The following SACS variants were observed in gnomAD, a reference collection of about 807,000 sequenced individuals.
SACS encodes sacsin.
In SACS, 197 loss-of-function variants were observed where a neutral mutation model predicts 348.0. That is an observed-to-expected ratio of 0.57 (90% CI 0.50 to 0.64). The LOEUF (loss-of-function observed/expected upper bound fraction) is 0.64, where lower values mean the gene tolerates loss of function less well. Ranked by LOEUF, SACS falls within the 30% of genes least tolerant of loss-of-function variation. The pLI is 0.00. For synonymous variants in SACS, 1,985 were observed against 1,910.6 expected, an observed-to-expected ratio of 1.04 and a Z score of -1.02; for missense variants, 4,999 against 5,360.8, an observed-to-expected ratio of 0.93 and a Z score of 2.11.
At chr13:23,358,620 A>G (rs897450989) in intron 6 of SACS, 139 bp from the exon 7 acceptor site, 2 of 832,746 alleles carry the variant, frequency 2.4e-6, no homozygotes, top group South Asian at 1.5e-5. Context: ...ATTCCACACT[A>G]TAATTCTGTT....
intron 7 of SACS, 143 bp from the exon 8 acceptor site, chr13:23,356,150 A>AG: frequency 1.4e-6 from 1 of 708,896 alleles, no homozygotes; most frequent in Non-Finnish European, 2.3e-6. Flanking sequence ...TTACCTTCAG[A>AG]AATGTAATTC....
At position 23,330,886 on chromosome 13, in the gene SACS, C is replaced by T. The variant is rs1883423810; in HGVS notation, c.12990G>A (p.Arg4330=). The part of the protein sequence containing the change: ...LPESERKKII[R]RLYLKWHPDK... The stretch of plus-strand genomic sequence containing the variant: ...CAGGATGCCATTTCAAATACAACCG[C>T]CTAATAATCTTTTTTCGTTCCGATT... Residue 4330 remains arginine, a synonymous_variant, in exon 10 of 10, where the codon AGG becomes AGA. Coordinates refer to ENST00000382292, the MANE Select transcript of SACS (RefSeq NM_014363.6). 2 of 1,613,926 alleles carry T rather than the reference C, an allele frequency of 1.2e-6. No individual in the cohort carries two copies. The highest frequency in any genetic ancestry group is 2.2e-5 in the South Asian group (2 of 91,084).
chr13:23,401,496 CA>C (rs925209008), intron 2 of SACS, among the ~76,000 whole-genome samples: 2 of 152,130 alleles, frequency 1.3e-5, no homozygotes, highest in African/African-American at 4.8e-5. Flanking sequence ...TGTAGAAAAC[CA>C]ACCTCTGCCG....
chr13:23,338,589 T>G lies in SACS; in HGVS notation c.5287A>C (p.Thr1763Pro). The G allele has an allele frequency of 6.2e-7, 1 of 1,614,090 alleles. No individual in the cohort carries two copies. Among genetic ancestry groups the G allele is most frequent in the Non-Finnish European group, 8.5e-7 (1 of 1,179,976 alleles). Residue 1763 changes from threonine to proline, a missense_variant, in exon 10 of 10, where the codon ACA (threonine) becomes CCA (proline). Thr to Pro is a conservative substitution (Grantham distance 38). Around this residue, in one of 6 missense-constraint regions of SACS, gnomAD observed 3,156 missense variants for 3,380.1 expected, o/e 0.93. Transcript: ENST00000382292. Reference sequence around the variant, plus strand: ...AACACATGGTGAAATTCTTCCACTGTGATCTGAAGAATGCAAGATGACTTT... The same window carrying G: ...AACACATGGTGAAATTCTTCCACTGGGATCTGAAGAATGCAAGATGACTTT... ...EPKSSCILQI[T>P]VEEFHHVFRR... is the part of the protein sequence containing the mutation.
intron 1 of SACS, among the ~76,000 whole-genome samples, chr13:23,415,502 A>G (rs185362417): frequency 6.6e-6 from 1 of 152,366 alleles, no homozygotes; most frequent in African/African-American, 2.4e-5. Flanking sequence ...TGATTGAATC[A>G]TTATGTATGC....
In SACS at chr13:23,335,744, G is replaced by C; in HGVS notation, c.8132C>G (p.Ser2711Trp). ...TGATGCTGGAACAGACGAAATTTCC[G>C]AAACTTTTGCCATTTCTGCATTACG... Reference protein sequence around the residue: ...PLRNAEMAKVSEISSVPASDR... With the variant: ...PLRNAEMAKVWEISSVPASDR... The change falls in exon 10 of 10, where the codon TCG becomes TGG. Residue 2711 changes from serine to tryptophan, a missense_variant. By Grantham distance (177) the Ser-to-Trp change is radical. Around this residue, in one of 6 missense-constraint regions of SACS, gnomAD observed 3,156 missense variants for 3,380.1 expected, o/e 0.93. Transcript: ENST00000382292. This position sits in a 1 kb window ranked among gnomAD's most constrained non-coding sequence, Gnocchi z 4.7. The C allele has an allele frequency of 6.2e-7, 1 of 1,613,988 alleles. No individual in the cohort carries two copies. Among genetic ancestry groups the C allele is most frequent in the Non-Finnish European group, 8.5e-7 (1 of 1,179,918 alleles).
chr13:23,433,349 G>A (rs888001334), intron 1 of SACS, among the ~76,000 whole-genome samples: 1 of 152,124 alleles, frequency 6.6e-6, no homozygotes, highest in African/African-American at 2.4e-5. Flanking sequence ...AAATTCACAA[G>A]CAGCCAACCC....
intron 2 of SACS, among the ~76,000 whole-genome samples, chr13:23,394,756 G>A (rs1872648242): frequency 6.6e-6 from 1 of 152,198 alleles, no homozygotes; most frequent in Non-Finnish European, 1.5e-5. Context: ...TCGGGAGGCT[G>A]AGGCAGGAGA....
chr13:23,396,636 T>C (rs1872722665), intron 2 of SACS, among the ~76,000 whole-genome samples: 1 of 152,182 alleles, frequency 6.6e-6, no homozygotes, highest in African/African-American at 2.4e-5. Context: ...CATACATTAC[T>C]TCATATATAT....
intron 1 of SACS, among the ~76,000 whole-genome samples, chr13:23,414,052 C>A (rs1330001215): frequency 2.0e-5 from 3 of 152,172 alleles, no homozygotes; most frequent in African/African-American, 7.2e-5. Flanking sequence ...CGCCTGTAAT[C>A]CCAGCACGTT....
chr13:23,391,338 T>C (rs1294700627), intron 2 of SACS, among the ~76,000 whole-genome samples: 1 of 152,196 alleles, frequency 6.6e-6, no homozygotes, highest in Non-Finnish European at 1.5e-5. Context: ...CCTTTGCCCC[T>C]GAGGCTCTGC....
At position 23,339,959 on chromosome 13, in the gene SACS, T is replaced by C. The variant is rs762151262; in HGVS notation, c.3917A>G (p.Asn1306Ser). Reference sequence around the variant, plus strand: ...GAATTTTGCCATGGTTTTAGGTACATTATGCAAATAAGGCTGAAGGTCAAG... The same window carrying C: ...GAATTTTGCCATGGTTTTAGGTACACTATGCAAATAAGGCTGAAGGTCAAG... ...HDLDLQPYLH[N>S]VPKTMAKFHQ... Residue 1306 changes from asparagine to serine, a missense_variant, in exon 10 of 10, where the codon AAT (asparagine) becomes AGT (serine). By Grantham distance (46) the Asn-to-Ser change is conservative. Transcript: ENST00000382292. 16 of 1,613,744 alleles carry C rather than the reference T, an allele frequency of 9.9e-6. No homozygotes were observed. The East Asian group carries it at 3.1e-4, about 31-fold the overall frequency.
In SACS at chr13:23,338,027, T is replaced by C. The variant is rs375962720; in HGVS notation, c.5849A>G (p.Asp1950Gly). The C allele has an allele frequency of 1.4e-5, 22 of 1,613,790 alleles. No homozygotes were observed. Among genetic ancestry groups the C allele is most frequent in the Non-Finnish European group, 1.7e-5 (20 of 1,179,954 alleles). ...YTYYAVWPDP[D>G]LVHDDFSVIC... ...TACAGAAAAATCATCATGAACTAAA[T>C]CAGGATCGGGCCATACTGCATAGTA... Residue 1950 changes from aspartate (D) to glycine (G), a missense_variant, in exon 10 of 10, where the codon GAT (aspartate) becomes GGT (glycine). By Grantham distance (94) the Asp-to-Gly change is moderately conservative (BLOSUM62 -1). Around this residue, in one of 6 missense-constraint regions of SACS, gnomAD observed 3,156 missense variants for 3,380.1 expected, o/e 0.93. Transcript: ENST00000382292.
intron 1 of SACS, among the ~76,000 whole-genome samples, chr13:23,415,905 T>G (rs999268324): frequency 6.6e-6 from 1 of 152,198 alleles, no homozygotes; most frequent in Non-Finnish European, 1.5e-5. Context: ...AGTAAATTTA[T>G]GAGAAAATGT....
At chr13:23,370,241 A>G (rs1871301286) in intron 4 of SACS, among the ~76,000 whole-genome samples, 1 of 152,178 alleles carries the variant, frequency 6.6e-6, no homozygotes, top group African/African-American at 2.4e-5. Context: ...ATGGGATATG[A>G]TTTCATTTCA....
chr13:23,332,404 A>G lies in SACS; in HGVS notation c.11472T>C (p.Tyr3824=), dbSNP rs2137566305. The G allele has an allele frequency of 1.2e-6, 2 of 1,613,984 alleles. No individual in the cohort carries two copies. The highest frequency in any genetic ancestry group is 2.2e-5 in the South Asian group (2 of 91,078). The stretch of plus-strand genomic sequence containing the variant: ...CAAGTTCTAAAGGTAGCTTGTACAA[A>G]TAAGGTTTAAAATCAGATTCATATT... ...NLEYESDFKP[Y]LYKLPLELGT... is the part of the protein sequence containing the mutation. Residue 3824 remains tyrosine, a synonymous_variant, in exon 10 of 10, where the codon TAT becomes TAC. Coordinates refer to ENST00000382292, the MANE Select transcript of SACS (RefSeq NM_014363.6).
chr13:23,389,660 C>T (rs1011719423), intron 2 of SACS, among the ~76,000 whole-genome samples: 1 of 152,182 alleles, frequency 6.6e-6, no homozygotes, highest in African/African-American at 2.4e-5. Flanking sequence ...GGACGGAATA[C>T]GTGTACAAGG....
chr13:23,372,459 A>G (rs1284363448), intron 3 of SACS, among the ~76,000 whole-genome samples: 1 of 152,222 alleles, frequency 6.6e-6, no homozygotes, highest in African/African-American at 2.4e-5. Context: ...CCAGATTTGC[A>G]GCTGCCTACT....
At position 23,382,783 on chromosome 13, in the gene SACS, G is replaced by GTTTTTT. The variant is rs758674945; in HGVS notation, c.21-7515_21-7514insAAAAAA. Among the ~76,000 whole-genome samples, 2 of 137,960 alleles carry GTTTTTT rather than the reference G, an allele frequency of 1.4e-5. 1 individual carries two copies. Among genetic ancestry groups the GTTTTTT allele is most frequent in the Non-Finnish European group, 3.2e-5 (2 of 63,246 alleles). The allele number at this position is 137,960 out of a possible 152,430, so 90.5% of individuals were successfully genotyped here. A position where few individuals can be genotyped will look rare whatever the true frequency, so the allele number is the denominator to read the frequency against. On this transcript the variant is annotated intron_variant, in intron 2 of 9. Transcript: ENST00000382292. Reference sequence around the variant, plus strand: ...TTGTTTTGTTTTGTGTGTGTGTGTGGTTTTTGTTTTTTTTTTTGAGATAGA... The same window carrying GTTTTTT: ...TTGTTTTGTTTTGTGTGTGTGTGTGGTTTTTTTTTTTGTTTTTTTTTTTGAGATAGA...
Sources: allele counts gnomAD v4.1 joint callset (sites outside exome capture counted in the v4.1 genomes callset), GRCh38; gene constraint gnomAD v4.1.1; regional missense constraint gnomAD v4.1.1; non-coding constraint Gnocchi (gnomAD v3.1); transcripts MANE v1.5; gene names NCBI Gene and HGNC (gene_info 2026-07-23, HGNC 2026-07-21).